The following INSYN2B variants were observed in gnomAD, a reference collection of about 807,000 sequenced individuals.
The protein encoded by INSYN2B is protein INSYN2B.
INSYN2B carries 16 observed loss-of-function variants against 41.2 expected under a neutral mutation model. That is an observed-to-expected ratio of 0.39 (90% confidence interval 0.26 to 0.59). INSYN2B has a LOEUF of 0.59. Ranked by LOEUF, INSYN2B falls within the 20% of genes least tolerant of loss-of-function variation. The pLI, the probability that INSYN2B is intolerant of heterozygous loss-of-function variation, is 0.57. For missense variants in INSYN2B, 608 were observed against 646.4 expected, an observed-to-expected ratio of 0.94 and a Z score of 0.64; for synonymous variants, 245 against 244.4, an observed-to-expected ratio of 1.00 and a Z score of -0.02.
intron 1 of INSYN2B, among the ~76,000 whole-genome samples, chr5:169,909,762 C>T (rs1290653513): frequency 2.0e-5 from 3 of 152,164 alleles, no homozygotes; most frequent in Admixed American, 6.5e-5. Flanking sequence ...GAATAAAATA[C>T]AATCCAAGAT....
At chr5:169,928,106 TGGGGTTCCTTCA>T (rs1467924123) in intron 1 of INSYN2B, among the ~76,000 whole-genome samples, 1 of 152,196 alleles carries the variant, frequency 6.6e-6, no homozygotes, top group Admixed American at 6.5e-5. Flanking sequence ...ACTGTCAACC[TGGGGTTCCTTCA>T]GGCCTTCCCA....
chr5:169,933,595 A>T (rs1274857837), intron 1 of INSYN2B, among the ~76,000 whole-genome samples: 1 of 152,202 alleles, frequency 6.6e-6, no homozygotes, highest in African/African-American at 2.4e-5. Context: ...TCTTTAGTCC[A>T]GCTCCTTCCC....
intron 1 of INSYN2B, among the ~76,000 whole-genome samples, chr5:169,885,237 G>C (rs933693474): frequency 6.6e-6 from 1 of 152,174 alleles, no homozygotes; most frequent in African/African-American, 2.4e-5. Context: ...TATTTAATGT[G>C]CATCTCCTCC....
chr5:169,935,657 T>C (rs1456892536), intron 1 of INSYN2B, among the ~76,000 whole-genome samples: 1 of 152,218 alleles, frequency 6.6e-6, no homozygotes, highest in Non-Finnish European at 1.5e-5. Context: ...TGATGAACGT[T>C]GCCGATGCGG....
chr5:169,910,405 C>G (rs944693434), intron 1 of INSYN2B, among the ~76,000 whole-genome samples: 20 of 152,254 alleles, frequency 1.3e-4, no homozygotes, highest in Admixed American at 1.2e-3. Flanking sequence ...GGATCTACCC[C>G]CTCAGTGCTG....
At chr5:169,891,333 T>C (rs1007566664) in intron 1 of INSYN2B, among the ~76,000 whole-genome samples, 1 of 152,228 alleles carries the variant, frequency 6.6e-6, no homozygotes, top group Non-Finnish European at 1.5e-5. Context: ...CTCCCATTTA[T>C]TGAAGAACTT....
chr5:169,965,744 T>C (rs910992904), intron 1 of INSYN2B, among the ~76,000 whole-genome samples: 1 of 152,186 alleles, frequency 6.6e-6, no homozygotes, highest in African/African-American at 2.4e-5. Context: ...TTATAGACTT[T>C]CAGAATTTGG....
At chr5:169,906,672 T>G (rs1379128566) in intron 1 of INSYN2B, among the ~76,000 whole-genome samples, 1 of 152,154 alleles carries the variant, frequency 6.6e-6, no homozygotes, top group Non-Finnish European at 1.5e-5. Context: ...TTGATGAAAG[T>G]CACATACCTG....
At chr5:169,920,189 A>G (rs2113648346) in intron 1 of INSYN2B, among the ~76,000 whole-genome samples, 1 of 152,336 alleles carries the variant, frequency 6.6e-6, no homozygotes, top group Admixed American at 6.5e-5. Context: ...CAGGCAGTCC[A>G]TCTTCAGAGA....
chr5:169,961,659 G>A (rs1382889540), intron 1 of INSYN2B, among the ~76,000 whole-genome samples: 2 of 152,130 alleles, frequency 1.3e-5, no homozygotes, highest in Non-Finnish European at 2.9e-5. Flanking sequence ...GTGCTAAGAA[G>A]GACAAGTATA....
chr5:169,868,321 C>T (rs1015752727), intron 3 of INSYN2B, among the ~76,000 whole-genome samples: 5 of 152,196 alleles, frequency 3.3e-5, no homozygotes, highest in Admixed American at 1.3e-4. Flanking sequence ...CATATGCTTC[C>T]ACCAAATTAT....
chr5:169,897,611 C>A (rs151223398), intron 1 of INSYN2B, among the ~76,000 whole-genome samples: 1 of 152,172 alleles, frequency 6.6e-6, no homozygotes, highest in Non-Finnish European at 1.5e-5. Flanking sequence ...GAGACAGAAC[C>A]ACAGCCCCAT....
chr5:169,897,118 G>A (rs533914873), intron 1 of INSYN2B, among the ~76,000 whole-genome samples: 23 of 152,184 alleles, frequency 1.5e-4, no homozygotes, highest in Admixed American at 1.4e-3. Flanking sequence ...AAAATTTTAG[G>A]CTTTCTCTAT....
At chr5:169,976,600 A>G (rs4867904) in intron 1 of INSYN2B, among the ~76,000 whole-genome samples, 36,842 of 152,180 alleles carry the variant, frequency 0.24, 4,988 homozygotes, top group East Asian at 0.41. Context: ...AAAAAAGAAG[A>G]AAATTTAAAG....
At chr5:169,889,866 G>A (rs752075852) in intron 1 of INSYN2B, among the ~76,000 whole-genome samples, 4 of 152,226 alleles carry the variant, frequency 2.6e-5, no homozygotes, top group Non-Finnish European at 5.9e-5. Flanking sequence ...GTCATTGGTG[G>A]TTTTTGAGCA....
chr5:169,956,257 G>A (rs1372241241), intron 1 of INSYN2B, among the ~76,000 whole-genome samples: 3 of 152,202 alleles, frequency 2.0e-5, no homozygotes, highest in South Asian at 2.1e-4. Flanking sequence ...TTCTTTAAGT[G>A]TGTGCAAGAA....
chr5:169,975,616 G>T (rs1777689789), intron 1 of INSYN2B, among the ~76,000 whole-genome samples: 1 of 151,970 alleles, frequency 6.6e-6, no homozygotes, highest in Non-Finnish European at 1.5e-5. Flanking sequence ...CACTATTCAG[G>T]TTTCTACTCA....
Position 169,867,205 on chromosome 5 carries a change from G to T in INSYN2B, c.1422-2746C>A, listed in dbSNP as rs1019685350. 3.9e-5 allele frequency among the ~76,000 whole-genome samples: 6 copies of T among 152,212 alleles called. No individual in the cohort carries two copies. In the East Asian group the frequency reaches 1.2e-3, roughly 29 times the overall value. On this transcript the variant is annotated intron_variant, in intron 3 of 3. Coordinates refer to ENST00000377365, the MANE Select transcript of INSYN2B (RefSeq NM_001129891.3). ...ACTCATTCCTCCAGGGTATGGGCAG[G>T]ACCCACTCTGGAATCAGTCTCTTGA...
chr5:169,934,938 A>G (rs1216537922), intron 1 of INSYN2B: 1 of 328,092 alleles, frequency 3.0e-6, no homozygotes, highest in East Asian at 8.1e-5. Flanking sequence ...GTAGTATAGA[A>G]AGTGATTGTG....
Sources: gnomAD v4.1 joint callset for allele counts (sites outside exome capture counted in the v4.1 genomes callset) on GRCh38, gnomAD v4.1.1 for gene constraint, MANE v1.5 for transcripts, NCBI Gene and HGNC (gene_info 2026-07-23, HGNC 2026-07-21) for gene names.